The following NCAPD3 variants were observed in gnomAD, a reference collection of about 807,000 sequenced individuals.
The protein encoded by NCAPD3 is non-SMC condensin II complex subunit D3.
Under a neutral mutation model 182.9 loss-of-function variants are expected in NCAPD3, and 105 were observed. The observed-to-expected ratio is 0.57, with a 90% CI of 0.49 to 0.68. NCAPD3 has a LOEUF of 0.68. NCAPD3 is among the 30% of genes least tolerant of loss of function. The probability of loss-of-function intolerance (pLI) is 0.00; values close to 1 mark genes in which losing one functional copy is unlikely to be tolerated. For missense variants in NCAPD3, 1,944 were observed against 1,837.0 expected (o/e 1.06, Z -1.07); for synonymous variants, 815 against 679.9 (o/e 1.20, Z -3.09).
intron 24 of NCAPD3, among the ~76,000 whole-genome samples, chr11:134,171,060 C>A (rs556465564): frequency 6.6e-6 from 1 of 152,294 alleles, no homozygotes; most frequent in South Asian, 2.1e-4. Context: ...TTTAGAGTGA[C>A]AAGAGGCAGC....
chr11:134,225,006 C>G (rs550971165), upstream of NCAPD3: 920 of 962,622 alleles, frequency 9.6e-4, 4 homozygotes, highest in African/African-American at 0.015. Context: ...GCCAGGCAGC[C>G]CCGCGGCGGC....
intron 27 of NCAPD3, 69 bp downstream of exon 27, chr11:134,167,927 G>T (rs774016341): frequency 1.4e-6 from 2 of 1,449,264 alleles, no homozygotes; most frequent in Non-Finnish European, 1.9e-6. Context: ...GTGCACACTC[G>T]TGAGATGAGC....
At chr11:134,178,583 A>C (rs1281453906) in intron 22 of NCAPD3, 51 bp downstream of exon 22, 1 of 1,374,832 alleles carries the variant, frequency 7.3e-7, no homozygotes, top group South Asian at 1.5e-5. Context: ...ACTTAAGACA[A>C]CAGCTACACA....
chr11:134,172,199 T>A (rs1334082408), intron 24 of NCAPD3, among the ~76,000 whole-genome samples: 1 of 152,132 alleles, frequency 6.6e-6, no homozygotes, highest in East Asian at 1.9e-4. Flanking sequence ...GCTACCTGGT[T>A]CCCAGTTTTG....
At chr11:134,224,862 C>T (rs1039208168), upstream of NCAPD3, 48 of 165,804 alleles carry the variant, frequency 2.9e-4, no homozygotes, top group African/African-American at 1.1e-3. Flanking sequence ...GGGACTGGCT[C>T]GGCCGAGGGC....
At chr11:134,208,698 C>A (rs1937710592) in intron 7 of NCAPD3, among the ~76,000 whole-genome samples, 166 bp downstream of exon 7, 1 of 152,004 alleles carries the variant, frequency 6.6e-6, no homozygotes, top group Admixed American at 6.6e-5. Flanking sequence ...GAACAGAGAG[C>A]AAATAGAAAT....
At chr11:134,153,240 A>G in intron 33 of NCAPD3, 40 bp from the exon 34 acceptor site, 1 of 1,613,808 alleles carries the variant, frequency 6.2e-7, no homozygotes, top group South Asian at 1.1e-5. Flanking sequence ...CTTTCCCAGA[A>G]CCTCAAAGGC....
chr11:134,174,053 G>A (rs1488086124), intron 24 of NCAPD3, among the ~76,000 whole-genome samples: 1 of 151,878 alleles, frequency 6.6e-6, no homozygotes, highest in African/African-American at 2.4e-5. Context: ...AATAGGCTCT[G>A]CCACCATAGT....
intron 13 of NCAPD3, 122 bp from the exon 14 acceptor site, chr11:134,194,860 C>G: frequency 5.3e-6 from 3 of 571,404 alleles, no homozygotes; most frequent in Non-Finnish European, 6.0e-6. Context: ...GTTTTAAATC[C>G]TAAGAAATGA....
rs769447126 is a variant in NCAPD3, at chr11:134,184,976, G to A, written c.2262C>T (p.Thr754=). The A allele has an allele frequency of 3.1e-6, 5 of 1,613,580 alleles. No homozygotes were observed. Among genetic ancestry groups the A allele is most frequent in the Non-Finnish European group, 3.4e-6 (4 of 1,179,690 alleles). ...ISSQQNPNSN[T]LGHILCVIGH... is the part of the protein sequence containing the mutation. ...CAATCACACAGAGAATATGTCCTAA[G>A]GTGTTTGAATTGGGATTCTGCTGAC... is the stretch of plus-strand genomic sequence containing the variant. The change falls in exon 18 of 35, where the codon ACC becomes ACT. Residue 754 remains threonine (T), a synonymous_variant. Transcript: ENST00000534548.
upstream of NCAPD3, chr11:134,224,258 G>A (rs1938365259): frequency 2.2e-6 from 1 of 450,268 alleles, no homozygotes; most frequent in Non-Finnish European, 4.0e-6. Context: ...GGGTATCTGA[G>A]ATAGGGTACT....
chr11:134,206,009 A>C (rs915193384), intron 8 of NCAPD3, among the ~76,000 whole-genome samples: 1 of 152,156 alleles, frequency 6.6e-6, no homozygotes, highest in Non-Finnish European at 1.5e-5. Context: ...GAAGGAGGGA[A>C]GGAAAAGCCA....
At chr11:134,153,530 C>A in intron 32 of NCAPD3, 167 bp from the exon 33 acceptor site, 1 of 684,382 alleles carries the variant, frequency 1.5e-6, no homozygotes, top group African/African-American at 1.8e-5. Context: ...GAGGGCCCCT[C>A]CTGGGGATGC....
chr11:134,175,559 C>A (rs1270116887), intron 24 of NCAPD3, among the ~76,000 whole-genome samples: 1 of 152,172 alleles, frequency 6.6e-6, no homozygotes, highest in African/African-American at 2.4e-5. Context: ...TCCAGAGGGA[C>A]CCACTGTTAG....
At chr11:134,190,050 C>T (rs1361469752) in intron 16 of NCAPD3, among the ~76,000 whole-genome samples, 1 of 152,134 alleles carries the variant, frequency 6.6e-6, no homozygotes, top group Non-Finnish European at 1.5e-5. Flanking sequence ...TGGATTAATT[C>T]ACCCTTTTAT....
At position 134,152,921 on chromosome 11, in the gene NCAPD3, T is replaced by C; in HGVS notation, c.*23A>G. 1 of 1,508,922 alleles carries C rather than the reference T, an allele frequency of 6.6e-7. No individual in the cohort carries two copies. The highest frequency in any genetic ancestry group is 1.3e-5 in the South Asian group (1 of 75,246). 93.5% of individuals were successfully genotyped at this position (1,508,922 alleles called of 1,614,324 possible). A position where few individuals can be genotyped will look rare whatever the true frequency, so the allele number is the denominator to read the frequency against. ...GCTTCCTCAAGGGCTCCTGCCTGCCTGGACACTGGTGGGAGGCGCTGTTTA... is the reference window on the plus strand; with the variant it reads ...GCTTCCTCAAGGGCTCCTGCCTGCCCGGACACTGGTGGGAGGCGCTGTTTA... On this transcript the variant is annotated 3_prime_UTR_variant, in exon 35 of 35. Coordinates refer to ENST00000534548, the MANE Select transcript of NCAPD3 (RefSeq NM_015261.3).
chr11:134,224,127 G>A (rs1023743803), upstream of NCAPD3: 1 of 643,808 alleles, frequency 1.6e-6, no homozygotes, highest in African/African-American at 1.8e-5. Context: ...GCCGAAAAGT[G>A]GAAGCCAAAC....
intron 3 of NCAPD3, among the ~76,000 whole-genome samples, 197 bp downstream of exon 3, chr11:134,216,739 A>G (rs1037166595): frequency 1.3e-5 from 2 of 152,174 alleles, no homozygotes; most frequent in Admixed American, 1.3e-4. Flanking sequence ...TTCGGATGAA[A>G]AAAAAAAGGG....
rs772752749 is a variant in NCAPD3, at chr11:134,168,611, G to A, written c.3240-9C>T. ...AAAACAGCCGCTTCTCTCTGTGGCA[G>A]AACGGGACAAGTTCACTGCATCACA... On this transcript the variant is annotated splice_polypyrimidine_tract_variant and intron_variant, in intron 25 of 34. Transcript: ENST00000534548. The A allele has an allele frequency of 1.2e-5, 19 of 1,613,842 alleles. No individual in the cohort carries two copies. The East Asian group carries it at 2.9e-4, about 25-fold the overall frequency.
Sources: allele counts gnomAD v4.1 joint callset (sites outside exome capture counted in the v4.1 genomes callset), GRCh38; gene constraint gnomAD v4.1.1; transcripts MANE v1.5; gene names NCBI Gene and HGNC (gene_info 2026-07-23, HGNC 2026-07-21).